SGCZ: variants seen among roughly 807,000 people sequenced by gnomAD.
The protein encoded by SGCZ is sarcoglycan zeta.
SGCZ carries 40 observed loss-of-function variants against 41.3 expected under a neutral mutation model. That is an observed-to-expected ratio of 0.97 (90% CI 0.75 to 1.26). SGCZ has a LOEUF of 1.26. Among genes scored for constraint, SGCZ ranks in the 50% most tolerant of loss-of-function variants. The pLI is 0.00. For missense variants in SGCZ, 552 were observed against 369.8 expected, an observed-to-expected ratio of 1.49 and a Z score of -4.04; for synonymous variants, 206 against 137.5, an observed-to-expected ratio of 1.50 and a Z score of -3.49.
intron 2 of SGCZ, among the ~76,000 whole-genome samples, chr8:14,432,636 G>C (rs1445010037): frequency 6.6e-6 from 1 of 152,158 alleles, no homozygotes; most frequent in Non-Finnish European, 1.5e-5. Flanking sequence ...ACTTACAGCA[G>C]GGCGCATTGG....
chr8:14,434,450 G>A (rs755364316), intron 2 of SGCZ, among the ~76,000 whole-genome samples: 1 of 152,108 alleles, frequency 6.6e-6, no homozygotes, highest in Non-Finnish European at 1.5e-5. Flanking sequence ...GACCATGTCG[G>A]CTGTTTTTGG....
intron 5 of SGCZ, among the ~76,000 whole-genome samples, chr8:14,159,610 A>G (rs7825597): frequency 0.024 from 3,582 of 152,278 alleles, 139 homozygotes; most frequent in African/African-American, 0.081. Context: ...CAGGTCTACA[A>G]ACTTTAAAGT....
At chr8:14,834,625 C>T (rs1380753933) in intron 1 of SGCZ, among the ~76,000 whole-genome samples, 1 of 152,110 alleles carries the variant, frequency 6.6e-6, no homozygotes, top group African/African-American at 2.4e-5. Context: ...ATTGGATGGC[C>T]TTTTTATGAT....
chr8:14,931,558 G>A (rs1799923082), intron 1 of SGCZ, among the ~76,000 whole-genome samples: 1 of 151,956 alleles, frequency 6.6e-6, no homozygotes, highest in South Asian at 2.1e-4. Context: ...TTAGCAACCT[G>A]GCTTTTGTTT....
intron 1 of SGCZ, among the ~76,000 whole-genome samples, chr8:14,993,291 T>G (rs916246413): frequency 4.6e-5 from 7 of 152,142 alleles, no homozygotes; most frequent in Non-Finnish European, 1.0e-4. Context: ...AAAATGTTCC[T>G]CCTTATCTGC....
intron 7 of SGCZ, among the ~76,000 whole-genome samples, chr8:14,097,389 A>G (rs965435015): frequency 6.6e-6 from 1 of 152,134 alleles, no homozygotes; most frequent in African/African-American, 2.4e-5. Context: ...TTCAGTTTCC[A>G]TATGGTTGTG....
chr8:14,652,979 C>A (rs1296946189), intron 1 of SGCZ, among the ~76,000 whole-genome samples: 1 of 151,994 alleles, frequency 6.6e-6, no homozygotes, highest in Non-Finnish European at 1.5e-5. Flanking sequence ...AAGACACTTT[C>A]AAATGACTTC....
intron 1 of SGCZ, among the ~76,000 whole-genome samples, chr8:14,729,180 C>G (rs929001273): frequency 6.6e-6 from 1 of 152,160 alleles, no homozygotes; most frequent in Non-Finnish European, 1.5e-5. Flanking sequence ...TCACACCTTT[C>G]TTCCAAGGTG....
intron 2 of SGCZ, among the ~76,000 whole-genome samples, chr8:14,471,963 A>T (rs1446546380): frequency 2.6e-5 from 4 of 152,188 alleles, no homozygotes; most frequent in East Asian, 3.9e-4. Flanking sequence ...TATAAGCTGA[A>T]TTTCCGAATC....
intron 2 of SGCZ, among the ~76,000 whole-genome samples, chr8:14,489,769 G>A (rs1801787573): frequency 6.6e-6 from 1 of 151,636 alleles, no homozygotes; most frequent in Admixed American, 6.6e-5. Context: ...ACTTTCCTAG[G>A]CCTCAGTTAA....
intron 2 of SGCZ, among the ~76,000 whole-genome samples, chr8:14,352,141 T>C (rs1563274222): frequency 6.6e-6 from 1 of 152,086 alleles, no homozygotes; most frequent in South Asian, 2.1e-4. Flanking sequence ...ATGAAATGCA[T>C]CTTTCAGGGT....
intron 1 of SGCZ, among the ~76,000 whole-genome samples, chr8:14,905,398 C>A (rs73517338): frequency 0.021 from 3,184 of 152,024 alleles, 106 homozygotes; most frequent in African/African-American, 0.072. Flanking sequence ...ACACCGCTTT[C>A]CAGGAAAACA....
chr8:14,992,636 C>A (rs941766362), intron 1 of SGCZ, among the ~76,000 whole-genome samples: 2 of 146,040 alleles, frequency 1.4e-5, no homozygotes, highest in Non-Finnish European at 3.0e-5. Context: ...TTGATATTTA[C>A]CCCCCACCCA....
chr8:14,479,731 C>CTTTTTTT (rs529812029), intron 2 of SGCZ, among the ~76,000 whole-genome samples: 703 of 52,852 alleles, frequency 0.013, 80 homozygotes, highest in East Asian at 0.039. Flanking sequence ...AATTCTACTT[C>CTTTTTTT]TTTTTTTTTT....
At chr8:14,970,935 A>G (rs956448757) in intron 1 of SGCZ, among the ~76,000 whole-genome samples, 2 of 152,182 alleles carry the variant, frequency 1.3e-5, no homozygotes, top group African/African-American at 4.8e-5. Context: ...TGAATACTAC[A>G]TATCTCTATA....
intron 1 of SGCZ, among the ~76,000 whole-genome samples, chr8:14,555,460 C>A (rs1804006591): frequency 3.3e-5 from 5 of 151,998 alleles, no homozygotes. Flanking sequence ...CTGCTCCTGC[C>A]ATATAAGACG....
At chr8:14,764,991 G>A (rs1799997152) in intron 1 of SGCZ, among the ~76,000 whole-genome samples, 1 of 152,138 alleles carries the variant, frequency 6.6e-6, no homozygotes, top group African/African-American at 2.4e-5. Context: ...AACTTTCGTA[G>A]AGCTTTAAAT....
At chr8:15,014,799 C>G (rs796956056) in intron 1 of SGCZ, among the ~76,000 whole-genome samples, 8 of 152,334 alleles carry the variant, frequency 5.3e-5, no homozygotes, top group African/African-American at 1.9e-4. Context: ...GACAGCCTCA[C>G]AATTCTGTCC....
chr8:15,157,436 A>T (rs2117032389), intron 1 of SGCZ, among the ~76,000 whole-genome samples: 1 of 152,052 alleles, frequency 6.6e-6, no homozygotes, highest in Non-Finnish European at 1.5e-5. Flanking sequence ...AAAAAAAAAA[A>T]GTAGCCCGTA....
Sources: gnomAD v4.1 joint callset for allele counts (sites outside exome capture counted in the v4.1 genomes callset) on GRCh38, gnomAD v4.1.1 for gene constraint, MANE v1.5 for transcripts, NCBI Gene and HGNC (gene_info 2026-07-23, HGNC 2026-07-21) for gene names.